Variants in LMNTD1 observed in about 807,000 individuals in gnomAD.
LMNTD1 encodes lamin tail domain-containing protein 1.
LMNTD1 carries 35 observed loss-of-function variants against 50.9 expected under a neutral mutation model. The ratio of observed to expected loss-of-function variants is 0.69; its 90% CI spans 0.53 to 0.91. The LOEUF (loss-of-function observed/expected upper bound fraction) is 0.91, where lower values mean the gene tolerates loss of function less well. Among genes scored for constraint, LMNTD1 ranks in the 40% least tolerant of loss-of-function variants. LMNTD1 has a pLI of 0.00. For missense variants in LMNTD1, 470 were observed against 475.5 expected, an observed-to-expected ratio of 0.99 and a Z score of 0.11; for synonymous variants, 153 against 161.9, an observed-to-expected ratio of 0.94 and a Z score of 0.42.
intron 1 of LMNTD1, among the ~76,000 whole-genome samples, chr12:25,613,712 A>G (rs1489222337): frequency 1.3e-5 from 2 of 152,212 alleles, no homozygotes; most frequent in Non-Finnish European, 2.9e-5. Flanking sequence ...GCTTATTAGA[A>G]AAAATATTTA....
At chr12:25,506,895 T>C (rs889858129) in intron 8 of LMNTD1, among the ~76,000 whole-genome samples, 5 of 152,122 alleles carry the variant, frequency 3.3e-5, no homozygotes, top group African/African-American at 1.2e-4. Flanking sequence ...TATTTATTTT[T>C]TGAAATGGAG....
chr12:25,619,359 C>T (rs1305889241), intron 1 of LMNTD1, among the ~76,000 whole-genome samples: 3 of 151,778 alleles, frequency 2.0e-5, no homozygotes, highest in Admixed American at 2.0e-4. Flanking sequence ...ATCAATTTGA[C>T]TTAAAATGTA....
chr12:25,517,975 G>A (rs1241729115), intron 8 of LMNTD1, among the ~76,000 whole-genome samples: 2 of 152,014 alleles, frequency 1.3e-5, no homozygotes, highest in Non-Finnish European at 2.9e-5. Context: ...CATGAGTAGT[G>A]GAAATTGCTA....
At chr12:25,543,201 A>G (rs910307396) in intron 4 of LMNTD1, among the ~76,000 whole-genome samples, 3 of 152,036 alleles carry the variant, frequency 2.0e-5, no homozygotes, top group Admixed American at 2.0e-4. Flanking sequence ...ATTTATGAAA[A>G]AAAATTACTT....
At chr12:25,529,097 T>C (rs279011) in intron 4 of LMNTD1, among the ~76,000 whole-genome samples, 32,175 of 152,070 alleles carry the variant, frequency 0.21, 4,121 homozygotes, top group Middle Eastern at 0.34. Context: ...GTCTCCTCAG[T>C]ATTGGCCTCT....
intron 1 of LMNTD1, among the ~76,000 whole-genome samples, chr12:25,613,835 T>C (rs923956621): frequency 1.3e-5 from 2 of 151,854 alleles, no homozygotes; most frequent in Non-Finnish European, 2.9e-5. Flanking sequence ...ATGAAAGAGA[T>C]GGATGATGTG....
intron 1 of LMNTD1, among the ~76,000 whole-genome samples, chr12:25,647,875 C>CAA (rs1164431724): frequency 9.9e-5 from 15 of 152,156 alleles, no homozygotes; most frequent in African/African-American, 3.6e-4. Context: ...TGTCAAATAA[C>CAA]GTTCAAAATT....
chr12:25,525,611 C>T (rs926207964), intron 6 of LMNTD1, among the ~76,000 whole-genome samples: 1 of 151,942 alleles, frequency 6.6e-6, no homozygotes, highest in African/African-American at 2.4e-5. Flanking sequence ...ACTCTTGGGC[C>T]CTTTGACATT....
intron 1 of LMNTD1, among the ~76,000 whole-genome samples, chr12:25,598,661 G>C (rs1225025545): frequency 1.3e-5 from 2 of 151,100 alleles, no homozygotes; most frequent in African/African-American, 4.9e-5. Context: ...AGATGAAAAA[G>C]GAGACATTAC....
chr12:25,583,655 C>T (rs1006084220), intron 1 of LMNTD1, among the ~76,000 whole-genome samples: 2 of 152,090 alleles, frequency 1.3e-5, no homozygotes, highest in African/African-American at 2.4e-5. Flanking sequence ...CACCAGCCTC[C>T]GCTGGTAGAG....
At chr12:25,568,248 T>TA (rs1944641080) in intron 1 of LMNTD1, among the ~76,000 whole-genome samples, 1 of 152,222 alleles carries the variant, frequency 6.6e-6, no homozygotes. Context: ...AGTGATGACT[T>TA]AGAGTATCTG....
In LMNTD1 at chr12:25,526,866, A is replaced by G. The variant is rs775434426; in HGVS notation, c.581T>C (p.Ile194Thr). Residue 194 changes from isoleucine to threonine, a missense_variant, in exon 5 of 10, where the codon ATT becomes ACT. Ile to Thr is a moderately conservative substitution (Grantham distance 89). Transcript: ENST00000458174. Reference sequence around the variant, plus strand: ...ATTTTGCTGGAGAATATGATCTCCAATTGCCATTTCTTTGTCAAGGGAAGA... The same window carrying G: ...ATTTTGCTGGAGAATATGATCTCCAGTTGCCATTTCTTTGTCAAGGGAAGA... ...INSSLDKEMA[I>T]GDHILQQNVN... 3.7e-6 allele frequency: 6 copies of G among 1,612,454 alleles called. No individual in the cohort carries two copies. The African/African-American group carries it at 4.0e-5, about 11-fold the overall frequency.
At chr12:25,522,590 A>G (rs1375018853) in intron 6 of LMNTD1, among the ~76,000 whole-genome samples, 1 of 152,192 alleles carries the variant, frequency 6.6e-6, no homozygotes, top group East Asian at 1.9e-4. Flanking sequence ...ATACTGAAAC[A>G]TTACTGAGAA....
chr12:25,521,680 G>C (rs949204332), intron 6 of LMNTD1, among the ~76,000 whole-genome samples: 1 of 152,082 alleles, frequency 6.6e-6, no homozygotes, highest in Admixed American at 6.5e-5. Context: ...CTAAAGAACC[G>C]AGCAAAAAGT....
intron 4 of LMNTD1, among the ~76,000 whole-genome samples, chr12:25,538,305 G>GT (rs1214966874): frequency 5.4e-5 from 8 of 148,952 alleles, no homozygotes; most frequent in African/African-American, 2.0e-4. Flanking sequence ...AGGAAAAAAT[G>GT]TTAAGGGCAA....
intron 1 of LMNTD1, chr12:25,630,496 T>A (rs1946692473): frequency 6.6e-6 from 1 of 152,124 alleles, no homozygotes; most frequent in Non-Finnish European, 1.5e-5. Context: ...ATACTGAGTG[T>A]CCCAAATGCA....
chr12:25,580,704 T>A (rs963607670), intron 1 of LMNTD1, among the ~76,000 whole-genome samples: 1 of 152,166 alleles, frequency 6.6e-6, no homozygotes, highest in Non-Finnish European at 1.5e-5. Flanking sequence ...ACACTATGGA[T>A]TTGGTAAGTT....
intron 9 of LMNTD1, among the ~76,000 whole-genome samples, chr12:25,484,010 T>G (rs1047633467): frequency 6.6e-6 from 1 of 151,950 alleles, no homozygotes; most frequent in Non-Finnish European, 1.5e-5. Flanking sequence ...AACCTCAAAC[T>G]TGACAGATGA....
At chr12:25,597,433 C>T (rs1945868450) in intron 1 of LMNTD1, among the ~76,000 whole-genome samples, 1 of 151,976 alleles carries the variant, frequency 6.6e-6, no homozygotes, top group Admixed American at 6.6e-5. Flanking sequence ...AATGATAAAG[C>T]TGTCAATTCA....
Sources: allele counts gnomAD v4.1 joint callset (sites outside exome capture counted in the v4.1 genomes callset), GRCh38; gene constraint gnomAD v4.1.1; transcripts MANE v1.5; gene names NCBI Gene and HGNC (gene_info 2026-07-23, HGNC 2026-07-21).